The following COX10 variants were observed in gnomAD, a reference collection of about 807,000 sequenced individuals.
COX10 encodes cytochrome c oxidase assembly factor heme A:farnesyltransferase COX10.
A neutral mutation model predicts 37.3 loss-of-function variants in COX10; 27 were observed. The observed-to-expected ratio is 0.72, with a 90% CI of 0.53 to 1.00. COX10 has a LOEUF of 1.00. Ranked by LOEUF, COX10 falls within the 50% of genes least tolerant of loss-of-function variation. The pLI is 0.00. For synonymous variants in COX10, 222 were observed against 229.1 expected (o/e 0.97, Z 0.28); for missense variants, 475 against 563.2 (o/e 0.84, Z 1.59).
intron 6 of COX10, among the ~76,000 whole-genome samples, chr17:14,200,776 A>T (rs997983350): frequency 6.6e-6 from 1 of 152,244 alleles, no homozygotes; most frequent in African/African-American, 2.4e-5. Flanking sequence ...GTGTACAAAG[A>T]TTGTGCAGGG....
intron 5 of COX10, among the ~76,000 whole-genome samples, chr17:14,163,241 ATT>A (rs1437408977): frequency 7.1e-5 from 5 of 70,522 alleles, no homozygotes; most frequent in Non-Finnish European, 1.8e-4. Flanking sequence ...AGGAAAATTT[ATT>A]TATTTATTTA....
At chr17:14,129,147 ATT>A (rs376366835) in intron 4 of COX10, among the ~76,000 whole-genome samples, 75 of 137,522 alleles carry the variant, frequency 5.5e-4, no homozygotes, top group Non-Finnish European at 6.9e-4. Context: ...TGCCCGGCCT[ATT>A]TTTTTTTTTT....
intron 5 of COX10, among the ~76,000 whole-genome samples, chr17:14,170,347 G>A (rs991744922): frequency 6.6e-6 from 1 of 152,092 alleles, no homozygotes; most frequent in Non-Finnish European, 1.5e-5. Flanking sequence ...ACTGGAAAAA[G>A]CCAATTAGCA....
chr17:14,136,148 A>C (rs930801020), intron 4 of COX10, among the ~76,000 whole-genome samples: 1 of 152,016 alleles, frequency 6.6e-6, no homozygotes, highest in Admixed American at 6.6e-5. Context: ...ATTCATTGGG[A>C]AAGAGATGAA....
intron 4 of COX10, among the ~76,000 whole-genome samples, chr17:14,109,666 A>G (rs1463652023): frequency 6.6e-6 from 1 of 152,058 alleles, no homozygotes; most frequent in Admixed American, 6.6e-5. Flanking sequence ...TTTCCTCTCA[A>G]ATGAGATGTC....
In COX10 at chr17:14,168,211, A is replaced by G. The variant is rs527366910; in HGVS notation, c.695+8264A>G. The stretch of plus-strand genomic sequence containing the variant: ...GCCATCATTAAATCTTAAAGCTCCA[A>G]AATAATCTCTTTTGACTCCATGTCT... On this transcript the variant is annotated intron_variant, in intron 5 of 6. Coordinates refer to ENST00000261643, the MANE Select transcript of COX10 (RefSeq NM_001303.4). Among the ~76,000 whole-genome samples the G allele has an allele frequency of 4.1e-4, 63 of 152,308 alleles. No individual in the cohort carries two copies. In the South Asian group the frequency reaches 0.012, roughly 30 times the overall value.
At chr17:14,117,827 G>A (rs73265466) in intron 4 of COX10, among the ~76,000 whole-genome samples, 4 of 152,248 alleles carry the variant, frequency 2.6e-5, no homozygotes, top group African/African-American at 4.8e-5. Context: ...TGTATCCCAC[G>A]TTCTTGCCCT....
intron 5 of COX10, 86 bp downstream of exon 5, chr17:14,160,033 A>G: frequency 8.1e-7 from 1 of 1,238,272 alleles, no homozygotes; most frequent in Non-Finnish European, 1.2e-6. Flanking sequence ...TTTTGCTTTG[A>G]GCTGCGAAGT....
At chr17:14,129,578 T>G (rs576543333) in intron 4 of COX10, among the ~76,000 whole-genome samples, 1 of 152,326 alleles carries the variant, frequency 6.6e-6, no homozygotes, top group East Asian at 1.9e-4. Flanking sequence ...ATAAATCAAC[T>G]CTTTCAGCCT....
intron 4 of COX10, among the ~76,000 whole-genome samples, chr17:14,122,596 G>A (rs1256623769): frequency 1.3e-5 from 2 of 152,154 alleles, no homozygotes; most frequent in East Asian, 3.9e-4. Flanking sequence ...TTGGTTGGTG[G>A]CAGTGACTGT....
At chr17:14,106,574 G>T (rs893895887) in intron 4 of COX10, among the ~76,000 whole-genome samples, 3 of 152,166 alleles carry the variant, frequency 2.0e-5, no homozygotes, top group Non-Finnish European at 4.4e-5. Context: ...AAAACTAAAT[G>T]TCTTCCCAGT....
At chr17:14,176,335 T>C (rs1230648661) in intron 5 of COX10, among the ~76,000 whole-genome samples, 1 of 152,118 alleles carries the variant, frequency 6.6e-6, no homozygotes, top group East Asian at 1.9e-4. Flanking sequence ...AAGGTGCAGC[T>C]CCCCTGTTCA....
chr17:14,202,770 C>T (rs370765587), intron 6 of COX10, among the ~76,000 whole-genome samples: 7 of 150,806 alleles, frequency 4.6e-5, no homozygotes, highest in African/African-American at 9.8e-5. Context: ...TTCCCCCCTG[C>T]GCTGGGGGAA....
intron 5 of COX10, among the ~76,000 whole-genome samples, chr17:14,185,802 G>T (rs1906008654): frequency 6.7e-6 from 1 of 149,198 alleles, no homozygotes; most frequent in African/African-American, 2.5e-5. Context: ...CAAGTAACTT[G>T]CAAATATATG....
chr17:14,179,203 G>C (rs2142254659), intron 5 of COX10: 1 of 978,108 alleles, frequency 1.0e-6, no homozygotes. Context: ...CTTGTTTTCA[G>C]AGAAGACAGA....
rs58412592 is a variant in COX10 at position 14,151,526 on chromosome 17, AACACACACACACACACACACAC to A, written c.625-8324_625-8303del. Reference sequence around the variant, plus strand: ...AATGATGCATTAGAATTCCTGAACTAACACACACACACACACACACACACACACACACACACACACACACACA... The same window carrying A: ...AATGATGCATTAGAATTCCTGAACTAACACACACACACACACACACACACA... On this transcript the variant is annotated intron_variant, in intron 4 of 6. Coordinates refer to ENST00000261643, the MANE Select transcript of COX10 (RefSeq NM_001303.4). Among the ~76,000 whole-genome samples the A allele has an allele frequency of 7.9e-4, 114 of 144,752 alleles. 1 individual carries two copies. The East Asian group carries it at 0.014, about 18-fold the overall frequency. 95.0% of individuals were successfully genotyped at this position (144,752 alleles called of 152,430 possible).
At chr17:14,205,972 A>G in intron 6 of COX10, among the ~76,000 whole-genome samples, 1 of 152,174 alleles carries the variant, frequency 6.6e-6, no homozygotes, top group East Asian at 1.9e-4. Context: ...TTGAAAAATT[A>G]CAAAGCCATA....
chr17:14,204,275 C>G (rs949884054), intron 6 of COX10, among the ~76,000 whole-genome samples: 10 of 152,006 alleles, frequency 6.6e-5, no homozygotes, highest in Admixed American at 5.2e-4. Context: ...CACCCACACT[C>G]TGGCTGCCAC....
At chr17:14,198,975 A>G (rs1468125434) in intron 6 of COX10, among the ~76,000 whole-genome samples, 1 of 152,232 alleles carries the variant, frequency 6.6e-6, no homozygotes, top group Admixed American at 6.5e-5. Flanking sequence ...AGATTAAGCT[A>G]AATGATAGTT....
Sources: allele counts gnomAD v4.1 joint callset (sites outside exome capture counted in the v4.1 genomes callset), GRCh38; gene constraint gnomAD v4.1.1; transcripts MANE v1.5; gene names NCBI Gene and HGNC (gene_info 2026-07-23, HGNC 2026-07-21).